SLC6A20: variants seen among roughly 807,000 people sequenced by gnomAD.
SLC6A20 encodes sodium- and chloride-dependent transporter XTRP3.
A neutral mutation model predicts 64.3 loss-of-function variants in SLC6A20; 73 were observed. That is an observed-to-expected ratio of 1.14 (90% CI 0.94 to 1.38). SLC6A20 has a LOEUF of 1.38. Among genes scored for constraint, SLC6A20 ranks in the 40% most tolerant of loss-of-function variants. The pLI is 0.00. For synonymous variants in SLC6A20, 347 were observed against 329.6 expected (o/e 1.05, Z -0.57); for missense variants, 725 against 772.8 (o/e 0.94, Z 0.73).
At chr3:45,785,399 G>C (rs1326384762) in intron 1 of SLC6A20, among the ~76,000 whole-genome samples, 3 of 152,174 alleles carry the variant, frequency 2.0e-5, no homozygotes, top group Non-Finnish European at 4.4e-5. Flanking sequence ...AGCTGACAGT[G>C]AATATAAAGC....
At chr3:45,795,988 TC>T (rs1700338024) in intron 1 of SLC6A20, among the ~76,000 whole-genome samples, 1 of 151,794 alleles carries the variant, frequency 6.6e-6, no homozygotes, top group African/African-American at 2.4e-5. Context: ...GACACTTCTC[TC>T]GAAGAAGGAG....
intron 1 of SLC6A20, among the ~76,000 whole-genome samples, chr3:45,782,925 A>G (rs1700121327): frequency 6.6e-6 from 1 of 152,184 alleles, no homozygotes; most frequent in South Asian, 2.1e-4. Flanking sequence ...TCCATCTTCT[A>G]TTTCAGCAAC....
chr3:45,779,920 C>A, intron 3 of SLC6A20, 89 bp downstream of exon 3: 1 of 1,410,068 alleles, frequency 7.1e-7, no homozygotes, highest in Non-Finnish European at 9.7e-7. Context: ...GCTCACCTTG[C>A]CCCACACCCC....
chr3:45,771,104 G>T, intron 6 of SLC6A20, 113 bp downstream of exon 6: 4 of 1,468,890 alleles, frequency 2.7e-6, no homozygotes, highest in Non-Finnish European at 3.7e-6. Flanking sequence ...CCAAATGTGA[G>T]CCCTGGATTG....
intron 3 of SLC6A20, among the ~76,000 whole-genome samples, chr3:45,776,911 G>A (rs1006903397): frequency 3.9e-5 from 6 of 152,200 alleles, no homozygotes; most frequent in Admixed American, 1.3e-4. Context: ...GGCTGCTGGC[G>A]TGTCACTTAT....
chr3:45,795,787 TCCAAACTCAAA>T (rs1404251494), intron 1 of SLC6A20, among the ~76,000 whole-genome samples: 2 of 152,210 alleles, frequency 1.3e-5, no homozygotes, highest in Non-Finnish European at 2.9e-5. Flanking sequence ...TTTCTGTCGT[TCCAAACTCAAA>T]CCAATCTCCT....
intron 1 of SLC6A20, 84 bp downstream of exon 1, chr3:45,796,215 G>A (rs1014752305): frequency 6.5e-6 from 10 of 1,528,906 alleles, no homozygotes; most frequent in Admixed American, 6.0e-5. Flanking sequence ...GTGCCGTTCT[G>A]TAACTTGGGT....
chr3:45,796,178 A>C (rs1331602225), intron 1 of SLC6A20, 121 bp downstream of exon 1: 1 of 1,483,032 alleles, frequency 6.7e-7, no homozygotes, highest in African/African-American at 1.4e-5. Context: ...ACTTCGGACA[A>C]ATCACGCTCG....
chr3:45,787,125 C>T (rs1241697533), intron 1 of SLC6A20, among the ~76,000 whole-genome samples: 1 of 152,210 alleles, frequency 6.6e-6, no homozygotes, highest in East Asian at 1.9e-4. Flanking sequence ...CTTGGCTCCT[C>T]CTTCCACCTG....
chr3:45,771,398 G>C lies in SLC6A20; in HGVS notation c.754C>G (p.Leu252Val), dbSNP rs745419538. The change falls in exon 6 of 11, where the codon CTT (leucine) becomes GTT (valine). Residue 252 changes from leucine to valine, a missense_variant. Leu to Val is a conservative substitution (Grantham distance 32, BLOSUM62 1). Transcript: ENST00000358525. ...INAATQIFFS[L>V]GLGFGSLIAF... The stretch of plus-strand genomic sequence containing the variant: ...ATCAGGCTGCCGAAGCCCAGGCCAA[G>C]TGAGAAGAAGATCTGGGTGGCTGCA... The C allele has an allele frequency of 4.3e-6, 7 of 1,614,280 alleles. No homozygotes were observed. The East Asian group carries it at 1.6e-4, about 36-fold the overall frequency.
chr3:45,772,541 T>C lies in SLC6A20; in HGVS notation c.657A>G (p.Gly219=). 1.2e-6 allele frequency: 2 copies of C among 1,613,992 alleles called. No individual in the cohort carries two copies. The highest frequency in any genetic ancestry group is 1.7e-6 in the Non-Finnish European group (2 of 1,179,946). The part of the protein sequence containing the change: ...IYLIRGLTLH[G]ATNGLMYMFT... ...ACATGTACATGAGGCCATTGGTGGC[T>C]CCGTGGAGCGTGAGGCCCCTGATGA... The change falls in exon 5 of 11, where the codon GGA becomes GGG. Residue 219 remains glycine, a synonymous_variant. Coordinates refer to ENST00000358525, the MANE Select transcript of SLC6A20 (RefSeq NM_020208.4).
chr3:45,786,462 C>T (rs1475650866), intron 1 of SLC6A20, among the ~76,000 whole-genome samples: 1 of 152,166 alleles, frequency 6.6e-6, no homozygotes. Flanking sequence ...GTGGAATGTC[C>T]CTCATTTGGA....
chr3:45,766,113 G>C (rs964255322), intron 7 of SLC6A20, among the ~76,000 whole-genome samples: 1 of 152,218 alleles, frequency 6.6e-6, no homozygotes, highest in African/African-American at 2.4e-5. Flanking sequence ...GAGGGAGGGC[G>C]GGGCCAGGGC....
intron 4 of SLC6A20, among the ~76,000 whole-genome samples, chr3:45,774,969 G>A (rs769907521): frequency 2.6e-5 from 4 of 152,198 alleles, no homozygotes; most frequent in African/African-American, 4.8e-5. Context: ...TGCTCAAGCC[G>A]TGGTGGGTCT....
At chr3:45,760,959 C>T (rs887080800) in intron 9 of SLC6A20, among the ~76,000 whole-genome samples, 3 of 152,156 alleles carry the variant, frequency 2.0e-5, no homozygotes, top group African/African-American at 7.2e-5. Context: ...GAAGAGGCAG[C>T]CTTGGCGGGA....
chr3:45,775,803 C>T lies in SLC6A20; in HGVS notation c.540G>A (p.Val180=). The change falls in exon 4 of 11, where the codon GTG becomes GTA. Residue 180 remains valine, a synonymous_variant. Coordinates refer to ENST00000358525, the MANE Select transcript of SLC6A20 (RefSeq NM_020208.4). ...PALCLLLAWL[V]VYLCILRGTE... ...TGCCACGCAGGATGCACAGGTACAC[C>T]ACCAGCCAGGCCAGGAGGAGGCACA... 1 of 1,614,118 alleles carries T rather than the reference C, an allele frequency of 6.2e-7. No individual in the cohort carries two copies. The highest frequency in any genetic ancestry group is 8.5e-7 in the Non-Finnish European group (1 of 1,179,998).
chr3:45,761,076 A>AC (rs1355411190), intron 9 of SLC6A20, among the ~76,000 whole-genome samples: 1 of 152,182 alleles, frequency 6.6e-6, no homozygotes, highest in South Asian at 2.1e-4. Context: ...TGTGGCGACC[A>AC]CCACCTGCCC....
chr3:45,793,604 G>C (rs956676299), intron 1 of SLC6A20, among the ~76,000 whole-genome samples: 11 of 152,186 alleles, frequency 7.2e-5, no homozygotes, highest in Non-Finnish European at 1.6e-4. Context: ...TGGGGAGCAG[G>C]AAGGAAACAA....
At chr3:45,793,201 A>G (rs1700285785) in intron 1 of SLC6A20, among the ~76,000 whole-genome samples, 1 of 152,228 alleles carries the variant, frequency 6.6e-6, no homozygotes. Flanking sequence ...CCCACTGCAT[A>G]GTCAGGTGTC....
Sources: allele counts gnomAD v4.1 joint callset (sites outside exome capture counted in the v4.1 genomes callset), GRCh38; gene constraint gnomAD v4.1.1; transcripts MANE v1.5; gene names NCBI Gene and HGNC (gene_info 2026-07-23, HGNC 2026-07-21).